Variants in LCA5L observed in about 807,000 individuals in gnomAD.
LCA5L encodes the protein lebercilin-like protein.
Under a neutral mutation model 45.4 loss-of-function variants are expected in LCA5L, and 35 were observed. That is an observed-to-expected ratio of 0.77 (90% CI 0.59 to 1.02). The LOEUF (loss-of-function observed/expected upper bound fraction) is 1.02. Among genes scored for constraint, LCA5L ranks in the 50% least tolerant of loss-of-function variants. LCA5L has a pLI of 0.00. For synonymous variants in LCA5L, 233 were observed against 264.7 expected (o/e 0.88, Z 1.16); for missense variants, 668 against 761.6 (o/e 0.88, Z 1.45).
At chr21:39,437,198 T>C (rs2148191043) in intron 2 of LCA5L, among the ~76,000 whole-genome samples, 1 of 152,324 alleles carries the variant, frequency 6.6e-6, no homozygotes, top group South Asian at 2.1e-4. Context: ...AAATGAAAGC[T>C]TTCCCAATGT....
chr21:39,442,323 C>T (rs928125855), intron 2 of LCA5L, among the ~76,000 whole-genome samples: 18 of 152,010 alleles, frequency 1.2e-4, no homozygotes, highest in African/African-American at 3.6e-4. Flanking sequence ...GAGACGCAGG[C>T]GGGGGTGAAC....
Position 39,405,954 on chromosome 21 carries a change from G to A in LCA5L, c.1941C>T (p.Asp647=). The A allele has an allele frequency of 6.2e-7, 1 of 1,613,882 alleles. No individual in the cohort carries two copies. Among genetic ancestry groups the A allele is most frequent in the Non-Finnish European group, 8.5e-7 (1 of 1,179,780 alleles). ...SQASTSHAFG[D]SKVTVVNSIK... ...TAGAATTTACCACAGTTACTTTAGAGTCTCCGAAAGCATGGCTGGTGGAGG... is the reference window on the plus strand; with the variant it reads ...TAGAATTTACCACAGTTACTTTAGAATCTCCGAAAGCATGGCTGGTGGAGG... Residue 647 remains aspartate, a synonymous_variant, in exon 11 of 11, where the codon GAC becomes GAT. Coordinates refer to ENST00000288350, the MANE Select transcript of LCA5L (RefSeq NM_152505.4).
intron 8 of LCA5L, chr21:39,410,810 C>A (rs758533923): frequency 6.4e-6 from 3 of 470,896 alleles, no homozygotes; most frequent in African/African-American, 4.0e-5. Context: ...ATTTAAACAA[C>A]CCCTCGGTTG....
chr21:39,412,678 A>G (rs938596286), intron 7 of LCA5L, among the ~76,000 whole-genome samples: 1 of 152,066 alleles, frequency 6.6e-6, no homozygotes, highest in Admixed American at 6.5e-5. Flanking sequence ...GGTCAAATCT[A>G]TGGGCCAAGG....
chr21:39,442,290 G>A (rs2076942306), intron 2 of LCA5L, among the ~76,000 whole-genome samples: 1 of 152,174 alleles, frequency 6.6e-6, no homozygotes, highest in Non-Finnish European at 1.5e-5. Flanking sequence ...AGTGAGAAGG[G>A]CCAGCGGTTT....
At chr21:39,415,383 AT>A (rs773251334) in intron 7 of LCA5L, among the ~76,000 whole-genome samples, 14 of 152,344 alleles carry the variant, frequency 9.2e-5, no homozygotes, top group Admixed American at 3.3e-4. Flanking sequence ...ATATAAAAAA[AT>A]AAAAGTAGAA....
chr21:39,418,625 C>T (rs1461519603), intron 7 of LCA5L, among the ~76,000 whole-genome samples: 2 of 152,058 alleles, frequency 1.3e-5, no homozygotes, highest in African/African-American at 4.8e-5. Context: ...CTCAGCCTCC[C>T]AAGTAATGGG....
chr21:39,430,245 C>G (rs1230668694), intron 3 of LCA5L, among the ~76,000 whole-genome samples: 3 of 152,138 alleles, frequency 2.0e-5, no homozygotes, highest in East Asian at 3.9e-4. Flanking sequence ...TGCTAATCCG[C>G]AAGAAGAATT....
intron 7 of LCA5L, among the ~76,000 whole-genome samples, chr21:39,414,930 A>G (rs2040871474): frequency 6.6e-6 from 1 of 152,034 alleles, no homozygotes; most frequent in Non-Finnish European, 1.5e-5. Context: ...TTATTTTTAG[A>G]GACAAGAGTC....
chr21:39,437,485 G>A (rs1311810030), intron 2 of LCA5L, among the ~76,000 whole-genome samples: 1 of 151,894 alleles, frequency 6.6e-6, no homozygotes, highest in Non-Finnish European at 1.5e-5. Context: ...TTTGAGACAG[G>A]GTCTCACTCC....
chr21:39,408,590 C>CT lies in LCA5L; in HGVS notation c.1282+1388dup, dbSNP rs2039519726. 2.0e-5 allele frequency: 3 copies of CT among 152,312 alleles called. No individual in the cohort carries two copies. In the South Asian group the frequency reaches 6.2e-4, roughly 32 times the overall value. The allele number at this position is 152,312 out of a possible 1,614,324, so 9.4% of individuals were successfully genotyped here. A position where few individuals can be genotyped will look rare whatever the true frequency, so the allele number is the denominator to read the frequency against. Reference sequence around the variant, plus strand: ...CATGGCTGATGAAGTGTTGTACTCTCTATCAAACCCTGCAGTCTGGGCCAG... The same window carrying CT: ...CATGGCTGATGAAGTGTTGTACTCTCTTATCAAACCCTGCAGTCTGGGCCAG... On this transcript the variant is annotated intron_variant, in intron 10 of 10. Coordinates refer to ENST00000288350, the MANE Select transcript of LCA5L (RefSeq NM_152505.4).
chr21:39,428,598 A>ATATATATATATATTTT (rs1242243392), intron 4 of LCA5L, 95 bp from the exon 5 acceptor site: 2 of 32,036 alleles, frequency 6.2e-5, no homozygotes, highest in African/African-American at 2.0e-4. Flanking sequence ...ATATATATAT[A>ATATATATATATATTTT]TTTTTTTTTT....
chr21:39,422,876 A>T, intron 6 of LCA5L, 100 bp downstream of exon 6: 1 of 1,058,030 alleles, frequency 9.5e-7, no homozygotes. Context: ...TGAAGCAGTT[A>T]GTAATGCTTT....
At chr21:39,429,484 C>T (rs1436565570) in intron 3 of LCA5L, 1 of 152,212 alleles carries the variant, frequency 6.6e-6, no homozygotes, top group Non-Finnish European at 1.5e-5. Flanking sequence ...AAACTTATTT[C>T]ACATCACCTC....
At chr21:39,434,242 A>C (rs2076072467) in intron 3 of LCA5L, among the ~76,000 whole-genome samples, 1 of 152,220 alleles carries the variant, frequency 6.6e-6, no homozygotes, top group African/African-American at 2.4e-5. Flanking sequence ...CTATTACTAT[A>C]GTTGGCAATG....
chr21:39,408,736 C>G (rs921522155), intron 10 of LCA5L: 15 of 152,388 alleles, frequency 9.8e-5, no homozygotes, highest in Admixed American at 9.2e-4. Context: ...TTGGCCCTAG[C>G]TCTCTTGGGC....
rs1239653114 is a variant in LCA5L, at chr21:39,428,182, G to A, written c.312C>T (p.Ser104=). ...AATTTTACTCCTTACCTTTAGATTG[G>A]GAGATTTTAGAAACATTATACTTTT... ...EKKKYNVSKI[S]QSKGQKEISV... The change falls in exon 5 of 11, where the codon TCC becomes TCT. Residue 104 remains serine (S), a synonymous_variant. Coordinates refer to ENST00000288350, the MANE Select transcript of LCA5L (RefSeq NM_152505.4). The A allele has an allele frequency of 6.4e-7, 1 of 1,572,976 alleles. No homozygotes were observed. Among genetic ancestry groups the A allele is most frequent in the Admixed American group, 1.8e-5 (1 of 54,570 alleles).
chr21:39,441,319 A>C (rs1009837703), intron 2 of LCA5L, among the ~76,000 whole-genome samples: 8 of 152,152 alleles, frequency 5.3e-5, no homozygotes, highest in Admixed American at 4.6e-4. Context: ...ACCAAAAAAA[A>C]CCAAACGAAC....
chr21:39,411,867 A>G (rs2040139113), intron 7 of LCA5L, 65 bp from the exon 8 acceptor site: 1 of 929,648 alleles, frequency 1.1e-6, no homozygotes, highest in African/African-American at 1.7e-5. Context: ...GATTTCTTTT[A>G]AAAACAATTT....
Sources: allele counts gnomAD v4.1 joint callset (sites outside exome capture counted in the v4.1 genomes callset), GRCh38; gene constraint gnomAD v4.1.1; transcripts MANE v1.5; gene names NCBI Gene and HGNC (gene_info 2026-07-23, HGNC 2026-07-21).